The following SLC35F4 variants were observed in gnomAD, a reference collection of about 807,000 sequenced individuals.
SLC35F4 encodes solute carrier family 35 member F4.
In SLC35F4, 24 loss-of-function variants were observed where a neutral mutation model predicts 44.2. That is an observed-to-expected ratio of 0.54 (90% CI 0.39 to 0.76). The LOEUF is 0.76. Among genes scored for constraint, SLC35F4 ranks in the 30% least tolerant of loss-of-function variants. The probability of loss-of-function intolerance (pLI) is 0.00; values close to 1 mark genes in which losing one functional copy is unlikely to be tolerated. For missense variants in SLC35F4, 562 were observed against 586.1 expected (o/e 0.96, Z 0.42); for synonymous variants, 238 against 223.6 (o/e 1.06, Z -0.57).
At chr14:57,931,471 G>T (rs1046856011) in intron 1 of SLC35F4, among the ~76,000 whole-genome samples, 15 of 152,158 alleles carry the variant, frequency 9.9e-5, no homozygotes, top group African/African-American at 3.6e-4. Context: ...TCTCTAAAAT[G>T]CATGTGCAGA....
At chr14:57,572,089 C>A in intron 4 of SLC35F4, 70 bp from the exon 5 acceptor site, 1 of 1,551,022 alleles carries the variant, frequency 6.4e-7, no homozygotes. Flanking sequence ...CAATTCAAGA[C>A]TTCCTGAAAG....
chr14:57,820,712 G>C lies in SLC35F4; in HGVS notation c.103+45011C>G, dbSNP rs550513335. ...AACAGATAAAACTTCTCAAGGTTTA[G>C]AGTATGAACTGAGTAAGCCTCTGAG... On this transcript the variant is annotated intron_variant, in intron 1 of 7. Coordinates refer to ENST00000556826, the MANE Select transcript of SLC35F4 (RefSeq NM_001306087.2). Among the ~76,000 whole-genome samples the C allele has an allele frequency of 3.3e-5, 5 of 152,206 alleles. No homozygotes were observed. In the South Asian group the frequency reaches 6.2e-4, roughly 19 times the overall value.
At chr14:57,828,188 CTTTA>C (rs1213274973) in intron 1 of SLC35F4, among the ~76,000 whole-genome samples, 2 of 152,048 alleles carry the variant, frequency 1.3e-5, no homozygotes, top group Non-Finnish European at 2.9e-5. Context: ...CTTGGGAGAG[CTTTA>C]TTTAAACAAA....
chr14:57,830,743 G>A lies in SLC35F4; in HGVS notation c.103+34980C>T, dbSNP rs147067436. 1.8e-4 allele frequency among the ~76,000 whole-genome samples: 28 copies of A among 152,274 alleles called. 1 individual carries two copies. In the East Asian group the frequency reaches 5.4e-3, roughly 29 times the overall value. ...AATACCAACTTTATCTATGAGGAGG[G>A]AAGCTGTCACTGGTTACAAAAACAG... On this transcript the variant is annotated intron_variant, in intron 1 of 7. Coordinates refer to ENST00000556826, the MANE Select transcript of SLC35F4 (RefSeq NM_001306087.2).
intron 1 of SLC35F4, among the ~76,000 whole-genome samples, chr14:57,721,304 G>A (rs548844610): frequency 7.2e-5 from 11 of 151,950 alleles, no homozygotes; most frequent in South Asian, 4.2e-4. Flanking sequence ...CTGATTTATC[G>A]CTCATGAGAG....
At chr14:57,851,320 G>A (rs768747302) in intron 1 of SLC35F4, among the ~76,000 whole-genome samples, 3 of 152,006 alleles carry the variant, frequency 2.0e-5, no homozygotes, top group Non-Finnish European at 4.4e-5. Flanking sequence ...TTATTTTATA[G>A]CCTGTACTTG....
chr14:57,955,894 C>T (rs1328629888), intron 1 of SLC35F4, among the ~76,000 whole-genome samples: 1 of 152,160 alleles, frequency 6.6e-6, no homozygotes, highest in Non-Finnish European at 1.5e-5. Flanking sequence ...CAATGCTATA[C>T]TCATCAAGCT....
rs935593718 is a variant in SLC35F4, at chr14:57,940,503, T to A, written n.282+41410A>T. 2.6e-5 allele frequency among the ~76,000 whole-genome samples: 4 copies of A among 152,180 alleles called. No homozygotes were observed. The East Asian group carries it at 7.7e-4, about 29-fold the overall frequency. ...CTCTCTTATCTTAGATAAAATTAGCTGTTCACTAATGCTACCAGGCATAGA... is the reference window on the plus strand; with the variant it reads ...CTCTCTTATCTTAGATAAAATTAGCAGTTCACTAATGCTACCAGGCATAGA... On this transcript the variant is annotated intron_variant and non_coding_transcript_variant, in intron 1 of 1. Transcript: ENST00000556568.
intron 1 of SLC35F4, among the ~76,000 whole-genome samples, chr14:57,965,416 C>T (rs1296260450): frequency 1.3e-5 from 2 of 152,140 alleles, no homozygotes; most frequent in Non-Finnish European, 2.9e-5. Flanking sequence ...GATAACCTCG[C>T]TATCTTGAGA....
chr14:57,817,745 G>C (rs1362999302), intron 1 of SLC35F4, among the ~76,000 whole-genome samples: 1 of 152,068 alleles, frequency 6.6e-6, no homozygotes, highest in Admixed American at 6.6e-5. Flanking sequence ...CCAAAAATGT[G>C]GTTAGAATGA....
chr14:57,719,955 T>C lies in SLC35F4; in HGVS notation c.104-125831A>G, dbSNP rs559408034. Among the ~76,000 whole-genome samples the C allele has an allele frequency of 2.0e-5, 3 of 152,316 alleles. No homozygotes were observed. In the South Asian group the frequency reaches 6.2e-4, roughly 32 times the overall value. On this transcript the variant is annotated intron_variant, in intron 1 of 7. Coordinates refer to ENST00000556826, the MANE Select transcript of SLC35F4 (RefSeq NM_001306087.2). Reference sequence around the variant, plus strand: ...ATAATAGCTGTGAGCCTGTCATATATGGTTTTTATTATGTTGTGGTATGTT... The same window carrying C: ...ATAATAGCTGTGAGCCTGTCATATACGGTTTTTATTATGTTGTGGTATGTT...
chr14:57,695,379 T>C (rs2075352634), intron 1 of SLC35F4, among the ~76,000 whole-genome samples: 2 of 151,292 alleles, frequency 1.3e-5, no homozygotes, highest in African/African-American at 4.8e-5. Context: ...CAGACACTTC[T>C]CAAAAGAAGA....
chr14:57,809,228 A>G (rs1881693823), intron 1 of SLC35F4, among the ~76,000 whole-genome samples: 1 of 152,164 alleles, frequency 6.6e-6, no homozygotes, highest in African/African-American at 2.4e-5. Context: ...CTTTTCACAA[A>G]GTTTGCATGT....
At chr14:57,754,035 G>A (rs896672065) in intron 1 of SLC35F4, among the ~76,000 whole-genome samples, 2 of 151,018 alleles carry the variant, frequency 1.3e-5, no homozygotes, top group African/African-American at 4.9e-5. Context: ...CAGGACAATA[G>A]GAAAAGCTCC....
intron 1 of SLC35F4, among the ~76,000 whole-genome samples, chr14:57,948,084 CT>C (rs1890067770): frequency 6.6e-6 from 1 of 152,040 alleles, no homozygotes; most frequent in Admixed American, 6.6e-5. Context: ...CTTTCTTTAT[CT>C]TTTGGAATAG....
chr14:57,760,266 A>G (rs2077093517), intron 1 of SLC35F4, among the ~76,000 whole-genome samples: 1 of 152,184 alleles, frequency 6.6e-6, no homozygotes, highest in Admixed American at 6.5e-5. Flanking sequence ...CAGTTTTCCC[A>G]ACATAATTTG....
intron 1 of SLC35F4, among the ~76,000 whole-genome samples, chr14:57,682,280 T>C (rs2074930455): frequency 6.6e-6 from 1 of 151,928 alleles, no homozygotes; most frequent in Non-Finnish European, 1.5e-5. Context: ...ATAAAGAAAA[T>C]GTGGCACATA....
At chr14:57,652,825 GAAGTAT>G (rs1382104611) in intron 1 of SLC35F4, among the ~76,000 whole-genome samples, 2 of 152,224 alleles carry the variant, frequency 1.3e-5, no homozygotes, top group African/African-American at 2.4e-5. Flanking sequence ...TGAGGCTCTG[GAAGTAT>G]AAGTGTGAGA....
intron 1 of SLC35F4, among the ~76,000 whole-genome samples, chr14:57,920,765 T>G (rs1889425359): frequency 6.6e-6 from 1 of 152,216 alleles, no homozygotes; most frequent in Non-Finnish European, 1.5e-5. Context: ...GTATTCTAAT[T>G]AGGTCTATAA....
Sources: allele counts gnomAD v4.1 joint callset (sites outside exome capture counted in the v4.1 genomes callset), GRCh38; gene constraint gnomAD v4.1.1; transcripts MANE v1.5; gene names NCBI Gene and HGNC (gene_info 2026-07-23, HGNC 2026-07-21).